The following IRAK1BP1 variants were observed in gnomAD, a reference collection of about 807,000 sequenced individuals.
The protein encoded by IRAK1BP1 is interleukin 1 receptor associated kinase 1 binding protein 1.
A neutral mutation model predicts 28.0 loss-of-function variants in IRAK1BP1; 24 were observed. That is an observed-to-expected ratio of 0.86 (90% CI 0.62 to 1.20). IRAK1BP1 has a LOEUF of 1.20. Among genes scored for constraint, IRAK1BP1 ranks in the 50% most tolerant of loss-of-function variants. The pLI is 0.00. For synonymous variants in IRAK1BP1, 131 were observed against 116.3 expected, an observed-to-expected ratio of 1.13 and a Z score of -0.81; for missense variants, 336 against 316.7, an observed-to-expected ratio of 1.06 and a Z score of -0.46.
At chr6:78,934,770 C>G (rs185335665) in intron 4 of IRAK1BP1, among the ~76,000 whole-genome samples, 270 of 152,314 alleles carry the variant, frequency 1.8e-3, no homozygotes, top group African/African-American at 6.2e-3. Flanking sequence ...AAATGAAGCT[C>G]TGAGATACGA....
chr6:78,968,433 TA>T, the IRAK1BP1 span, among the ~76,000 whole-genome samples: 1 of 152,150 alleles, frequency 6.6e-6, no homozygotes, highest in Non-Finnish European at 1.5e-5. Flanking sequence ...AGATTGAAAA[TA>T]CAGTATTAGT....
At chr6:78,969,469 T>C in the IRAK1BP1 span, among the ~76,000 whole-genome samples, 1 of 152,170 alleles carries the variant, frequency 6.6e-6, no homozygotes, top group African/African-American at 2.4e-5. Flanking sequence ...GATTAACCAA[T>C]AAAAGAAAAA....
intron 1 of IRAK1BP1, among the ~76,000 whole-genome samples, chr6:78,875,942 G>A (rs1001868242): frequency 2.0e-5 from 3 of 152,070 alleles, no homozygotes; most frequent in African/African-American, 4.8e-5. Context: ...AAGTTTTATG[G>A]TTTTCTTCTT....
intron 4 of IRAK1BP1, among the ~76,000 whole-genome samples, chr6:78,913,784 TATCAAAG>T: frequency 6.6e-6 from 1 of 152,232 alleles, no homozygotes; most frequent in East Asian, 1.9e-4. Flanking sequence ...CAACTATTTA[TATCAAAG>T]GAATAGAAAA....
chr6:78,978,418 G>A, the IRAK1BP1 span, among the ~76,000 whole-genome samples: 1 of 151,980 alleles, frequency 6.6e-6, no homozygotes, highest in African/African-American at 2.4e-5. Flanking sequence ...CAGCTTCAAA[G>A]AAGATTATTA....
At chr6:78,871,607 G>A (rs1206091351) in intron 1 of IRAK1BP1, 7 of 856,846 alleles carry the variant, frequency 8.2e-6, no homozygotes, top group African/African-American at 3.7e-5. Flanking sequence ...CTAATCCCAA[G>A]TATGATGGTA....
At position 78,941,727 on chromosome 6, in the gene IRAK1BP1, T is replaced by C. The variant is rs115617795; in HGVS notation, c.*68-3681T>C. Among the ~76,000 whole-genome samples the C allele has an allele frequency of 4.8e-3, 735 of 152,276 alleles. 7 individuals are homozygous for C. The highest frequency in any genetic ancestry group is 0.017 in the African/African-American group (700 of 41,568). On this transcript the variant is annotated intron_variant and NMD_transcript_variant, in intron 4 of 4. Coordinates refer to the IRAK1BP1 transcript ENST00000606868. ...CAACTAAATGGCAGTTTTCACAGGC[T>C]TTGAAAAGTCCTATCTCCTTGTGTA...
At chr6:78,912,653 C>T (rs1286266744) in intron 4 of IRAK1BP1, among the ~76,000 whole-genome samples, 1 of 152,094 alleles carries the variant, frequency 6.6e-6, no homozygotes, top group African/African-American at 2.4e-5. Context: ...GTGGAAACAA[C>T]CACCATGTCT....
intron 4 of IRAK1BP1, among the ~76,000 whole-genome samples, chr6:78,910,301 T>C (rs2127661209): frequency 6.6e-6 from 1 of 152,276 alleles, no homozygotes; most frequent in Non-Finnish European, 1.5e-5. Flanking sequence ...GGTTTTCCTC[T>C]GCATAAAAAA....
rs997983496 is a variant in IRAK1BP1, at chr6:78,939,941, C to T, written c.*68-5467C>T. On this transcript the variant is annotated intron_variant and NMD_transcript_variant, in intron 4 of 4. Coordinates refer to the IRAK1BP1 transcript ENST00000606868. The stretch of plus-strand genomic sequence containing the variant: ...ATGCTGTCCTGACGTCAAAAACAGG[C>T]TTTCCACTGCACTGATTCTCAGTCT... 3.3e-5 allele frequency: 5 copies of T among 152,428 alleles called. No individual in the cohort carries two copies. In the East Asian group the frequency reaches 9.6e-4, roughly 29 times the overall value. 9.4% of individuals were successfully genotyped at this position (152,428 alleles called of 1,614,324 possible). A position where few individuals can be genotyped will look rare whatever the true frequency, so the allele number is the denominator to read the frequency against.
intron 2 of IRAK1BP1, 30 bp downstream of exon 2, chr6:78,885,473 C>A: frequency 1.8e-6 from 2 of 1,132,748 alleles, no homozygotes; most frequent in Non-Finnish European, 1.3e-6. Context: ...TTGGAAGCAG[C>A]ATGATTTTGT....
intron 4 of IRAK1BP1, among the ~76,000 whole-genome samples, chr6:78,919,809 G>C (rs1042667522): frequency 6.6e-6 from 1 of 152,106 alleles, no homozygotes; most frequent in Non-Finnish European, 1.5e-5. Context: ...TCAAGGAGGA[G>C]GGACTCCTCC....
intron 1 of IRAK1BP1, among the ~76,000 whole-genome samples, chr6:78,870,613 G>A (rs1255023622): frequency 6.6e-6 from 1 of 152,158 alleles, no homozygotes; most frequent in African/African-American, 2.4e-5. Context: ...TACTTCTAGC[G>A]TGGTTTTCAT....
At chr6:78,977,663 T>A in the IRAK1BP1 span, among the ~76,000 whole-genome samples, 4 of 152,124 alleles carry the variant, frequency 2.6e-5, no homozygotes, top group Non-Finnish European at 5.9e-5. Flanking sequence ...ATTACAAACT[T>A]TTCTGGCCAT....
At chr6:78,967,592 T>C in the IRAK1BP1 span, among the ~76,000 whole-genome samples, 1 of 152,180 alleles carries the variant, frequency 6.6e-6, no homozygotes, top group African/African-American at 2.4e-5. Flanking sequence ...GGTGGGTGAA[T>C]GCATATATCC....
intron 4 of IRAK1BP1, among the ~76,000 whole-genome samples, chr6:78,923,181 C>G (rs1412197892): frequency 6.6e-6 from 1 of 151,966 alleles, no homozygotes; most frequent in African/African-American, 2.4e-5. Context: ...GGAAACCCAT[C>G]TCATGTGCAG....
chr6:78,939,350 A>AT (rs1773383883), intron 4 of IRAK1BP1: 1 of 151,778 alleles, frequency 6.6e-6, no homozygotes, highest in Non-Finnish European at 1.5e-5. Flanking sequence ...TACCAGCATG[A>AT]TAAGGATACC....
chr6:78,950,971 T>C (rs1774107072), downstream of IRAK1BP1, among the ~76,000 whole-genome samples: 1 of 152,164 alleles, frequency 6.6e-6, no homozygotes, highest in African/African-American at 2.4e-5. Context: ...CTGTACTCTT[T>C]AGTACATTTT....
chr6:78,968,598 A>G, the IRAK1BP1 span, among the ~76,000 whole-genome samples: 4 of 152,362 alleles, frequency 2.6e-5, no homozygotes, highest in East Asian at 3.9e-4. Context: ...TATAACTTCA[A>G]TACAACTGTG....
Sources: allele counts gnomAD v4.1 joint callset (sites outside exome capture counted in the v4.1 genomes callset), GRCh38; gene constraint gnomAD v4.1.1; transcripts MANE v1.5; gene names NCBI Gene and HGNC (gene_info 2026-07-23, HGNC 2026-07-21).